Variants in HSBP1 observed in about 807,000 individuals in gnomAD.
The protein encoded by HSBP1 is heat shock factor-binding protein 1.
Under a neutral mutation model 9.6 loss-of-function variants are expected in HSBP1, and 5 were observed. The ratio of observed to expected loss-of-function variants is 0.52; its 90% confidence interval spans 0.27 to 1.09. The LOEUF is 1.09. HSBP1 is among the 50% of genes least tolerant of loss of function. The pLI is 0.11. For synonymous variants in HSBP1, 42 were observed against 33.3 expected (o/e 1.26, Z -0.90); for missense variants, 121 against 96.3 (o/e 1.26, Z -1.07).
At chr16:83,808,894 A>C in intron 2 of HSBP1, 148 bp downstream of exon 2, 1 of 660,252 alleles carries the variant, frequency 1.5e-6, no homozygotes, top group South Asian at 1.9e-5. Context: ...TCTGAGAAGG[A>C]CTGCGCCGAG....
rs1453563453 is a variant in HSBP1 at position 83,819,419 on chromosome 16, A to G, written c.*8001A>G. 6.6e-6 allele frequency: 1 copy of G among 152,174 alleles called. No homozygotes were observed. Among genetic ancestry groups the G allele is most frequent in the Admixed American group, 6.6e-5 (1 of 15,260 alleles). 9.4% of individuals were successfully genotyped at this position (152,174 alleles called of 1,614,324 possible). A position where few individuals can be genotyped will look rare whatever the true frequency, so the allele number is the denominator to read the frequency against. ...AAAAGGAATTGATTCTTAATTACCCAGAACGTCCACGCTCTAGGACCTAGT... is the reference window on the plus strand; with the variant it reads ...AAAAGGAATTGATTCTTAATTACCCGGAACGTCCACGCTCTAGGACCTAGT... On this transcript the variant is annotated 3_prime_UTR_variant, in exon 4 of 4. Coordinates refer to ENST00000433866, the MANE Select transcript of HSBP1 (RefSeq NM_001537.4).
chr16:83,810,117 G>A (rs1056933519), intron 3 of HSBP1, among the ~76,000 whole-genome samples: 7 of 148,490 alleles, frequency 4.7e-5, no homozygotes, highest in African/African-American at 1.7e-4. Flanking sequence ...TTTTTTTTAT[G>A]GAAATAACTG....
chr16:83,808,082 C>T lies in HSBP1; in HGVS notation c.6C>T (p.Ala2=). M[A]ETDPKTVQDL... is the part of the protein sequence containing the mutation. ...CCAAGCTGGGCATCGGGGAGATGGC[C>T]GAGACTGACCCCAAGACCGTGCAGG... The change falls in exon 1 of 4, where the codon GCC becomes GCT. Residue 2 remains alanine, a synonymous_variant. Coordinates refer to ENST00000433866, the MANE Select transcript of HSBP1 (RefSeq NM_001537.4). 2.6e-6 allele frequency: 4 copies of T among 1,545,050 alleles called. 1 individual carries two copies. Among genetic ancestry groups the T allele is most frequent in the South Asian group, 2.4e-5 (2 of 83,952 alleles).
In HSBP1 at chr16:83,813,456, T is replaced by G. The variant is rs1359390338; in HGVS notation, c.*2038T>G. Reference sequence around the variant, plus strand: ...GCCTGAAGCTCCTGGGCTCAGGCAGTCCTCCTGCCTCAGCCTCCCAAGTAG... The same window carrying G: ...GCCTGAAGCTCCTGGGCTCAGGCAGGCCTCCTGCCTCAGCCTCCCAAGTAG... On this transcript the variant is annotated 3_prime_UTR_variant, in exon 4 of 4. Coordinates refer to ENST00000433866, the MANE Select transcript of HSBP1 (RefSeq NM_001537.4). 6.6e-6 allele frequency: 1 copy of G among 152,400 alleles called. No individual in the cohort carries two copies. The highest frequency in any genetic ancestry group is 1.9e-4 in the East Asian group (1 of 5,190). 9.4% of individuals were successfully genotyped at this position (152,400 alleles called of 1,614,324 possible).
intron 3 of HSBP1, 22 bp downstream of exon 3, chr16:83,809,447 TTTTTC>T (rs771160672): frequency 2.9e-5 from 36 of 1,245,066 alleles, no homozygotes; most frequent in Admixed American, 8.0e-5. Context: ...GGCAATTTTT[TTTTTC>T]TTTTCTTTTC....
rs921858155 is a variant in HSBP1, at chr16:83,816,225, C to A, written c.*4807C>A. ...ACCAGCCTGGCCAACATGGCGAAAC[C>A]CCCGTCTCTACTAAAAATACAAAAA... On this transcript the variant is annotated 3_prime_UTR_variant, in exon 4 of 4. Transcript: ENST00000433866. 2 of 152,004 alleles carry A rather than the reference C, an allele frequency of 1.3e-5. No individual in the cohort carries two copies. Among genetic ancestry groups the A allele is most frequent in the Admixed American group, 1.3e-4 (2 of 15,254 alleles). 9.4% of individuals were successfully genotyped at this position (152,004 alleles called of 1,614,324 possible). A position where few individuals can be genotyped will look rare whatever the true frequency, so the allele number is the denominator to read the frequency against.
rs891757991 is a variant in HSBP1, at chr16:83,812,323, T to C, written c.*905T>C. On this transcript the variant is annotated 3_prime_UTR_variant, in exon 4 of 4. Transcript: ENST00000433866. ...ATATGATCAACGACTTGTAGTAGACTCAAGTTTTTAAAAAACACTATTTTA... is the reference window on the plus strand; with the variant it reads ...ATATGATCAACGACTTGTAGTAGACCCAAGTTTTTAAAAAACACTATTTTA... 1.3e-5 allele frequency: 2 copies of C among 152,348 alleles called. No homozygotes were observed. Among genetic ancestry groups the C allele is most frequent in the Non-Finnish European group, 2.9e-5 (2 of 68,046 alleles). The allele number at this position is 152,348 out of a possible 1,614,324, so 9.4% of individuals were successfully genotyped here.
In HSBP1 at chr16:83,813,207, G is replaced by A. The variant is rs1904641210; in HGVS notation, c.*1789G>A. The A allele has an allele frequency of 1.3e-5, 2 of 152,310 alleles. No individual in the cohort carries two copies. Among genetic ancestry groups the A allele is most frequent in the Non-Finnish European group, 2.9e-5 (2 of 68,114 alleles). 9.4% of individuals were successfully genotyped at this position (152,310 alleles called of 1,614,324 possible). A position where few individuals can be genotyped will look rare whatever the true frequency, so the allele number is the denominator to read the frequency against. ...CTGGCATTGCAGGAGACTTGTCTCA[G>A]GTGTGTTCCCAGAACTCTTGCCCCT... On this transcript the variant is annotated 3_prime_UTR_variant, in exon 4 of 4. Coordinates refer to ENST00000433866, the MANE Select transcript of HSBP1 (RefSeq NM_001537.4).
chr16:83,818,463 T>G lies in HSBP1; in HGVS notation c.*7045T>G, dbSNP rs978639191. 1 of 152,242 alleles carries G rather than the reference T, an allele frequency of 6.6e-6. No homozygotes were observed. The highest frequency in any genetic ancestry group is 2.4e-5 in the African/African-American group (1 of 41,462). 9.4% of individuals were successfully genotyped at this position (152,242 alleles called of 1,614,324 possible). A position where few individuals can be genotyped will look rare whatever the true frequency, so the allele number is the denominator to read the frequency against. On this transcript the variant is annotated 3_prime_UTR_variant, in exon 4 of 4. Coordinates refer to ENST00000433866, the MANE Select transcript of HSBP1 (RefSeq NM_001537.4). ...TTCCAGAACAATTGTGGACAAGATT[T>G]GCTAGTAATGCTTCCAACAAGTTAC...
rs369996103 is a variant in HSBP1 at position 83,808,730 on chromosome 16, C to T, written c.96C>T (p.Asp32=). The stretch of plus-strand genomic sequence containing the variant: ...AAGATAAATTTCAGACCATGTCTGA[C>T]CAGATCATTGGGAGAAATATCCTTT... ...QMQDKFQTMS[D]QIIGRIDDMS... is the part of the protein sequence containing the mutation. The change falls in exon 2 of 4, where the codon GAC becomes GAT. Residue 32 remains aspartate, a synonymous_variant. Transcript: ENST00000433866. 3.7e-6 allele frequency: 6 copies of T among 1,611,732 alleles called. No homozygotes were observed. The East Asian group carries it at 6.7e-5, about 18-fold the overall frequency.
chr16:83,809,542 C>G (rs1220746875), intron 3 of HSBP1, 117 bp downstream of exon 3: 1 of 583,338 alleles, frequency 1.7e-6, no homozygotes, highest in Non-Finnish European at 3.0e-6. Flanking sequence ...GATCTCGGCT[C>G]CCTGCAACCT....
rs1046768713 is a variant in HSBP1, at chr16:83,817,053, C to G, written c.*5635C>G. On this transcript the variant is annotated 3_prime_UTR_variant, in exon 4 of 4. Coordinates refer to ENST00000433866, the MANE Select transcript of HSBP1 (RefSeq NM_001537.4). ...TCACCTGGGGAGCAGTTCAAAGGCCCAAAACTGGGCAGCACCACAGAACCC... is the reference window on the plus strand; with the variant it reads ...TCACCTGGGGAGCAGTTCAAAGGCCGAAAACTGGGCAGCACCACAGAACCC... The G allele has an allele frequency of 1.3e-5, 2 of 152,228 alleles. No individual in the cohort carries two copies. The highest frequency in any genetic ancestry group is 2.4e-5 in the African/African-American group (1 of 41,436). The allele number at this position is 152,228 out of a possible 1,614,324, so 9.4% of individuals were successfully genotyped here. A position where few individuals can be genotyped will look rare whatever the true frequency, so the allele number is the denominator to read the frequency against.
rs1904669025 is a variant in HSBP1, at chr16:83,814,279, T to G, written c.*2861T>G. ...GTAAACCGCTGTACTGTGCTAAGCC[T>G]TTTGTTTGCACTGTTTGGCTTAATC... On this transcript the variant is annotated 3_prime_UTR_variant, in exon 4 of 4. Transcript: ENST00000433866. The G allele has an allele frequency of 6.6e-6, 1 of 152,250 alleles. No individual in the cohort carries two copies. Among genetic ancestry groups the G allele is most frequent in the African/African-American group, 2.4e-5 (1 of 41,470 alleles). The allele number at this position is 152,250 out of a possible 1,614,324, so 9.4% of individuals were successfully genotyped here. A position where few individuals can be genotyped will look rare whatever the true frequency, so the allele number is the denominator to read the frequency against.
intron 3 of HSBP1, among the ~76,000 whole-genome samples, chr16:83,811,151 C>G (rs183183945): frequency 9.8e-4 from 150 of 152,300 alleles, no homozygotes; most frequent in Middle Eastern, 6.8e-3. Flanking sequence ...AAACTGCCAT[C>G]AACTGACTGA....
intron 3 of HSBP1, 46 bp downstream of exon 3, chr16:83,809,471 T>G: frequency 1.0e-6 from 1 of 976,314 alleles, no homozygotes; most frequent in East Asian, 3.0e-5. Context: ...TCTTTTTTTT[T>G]TTTTTTTTTT....
rs8061248 is a variant in HSBP1, at chr16:83,813,732, C to T, written c.*2314C>T. On this transcript the variant is annotated 3_prime_UTR_variant, in exon 4 of 4. Transcript: ENST00000433866. ...CAATACAGATGAGTATGGGGGCCCT[C>T]GCACCAAGGAAAACAGCGTTACATT... is the stretch of plus-strand genomic sequence containing the variant. The T allele has an allele frequency of 0.5, 76,481 of 152,034 alleles. 19,886 individuals carry two copies. Among genetic ancestry groups the T allele is most frequent in the Non-Finnish European group, 0.57 (39,074 of 67,992 alleles). The allele number at this position is 152,034 out of a possible 1,614,324, so 9.4% of individuals were successfully genotyped here.
At chr16:83,809,464 T>A in intron 3 of HSBP1, 39 bp downstream of exon 3, 145 of 115,400 alleles carry the variant, frequency 1.3e-3, no homozygotes, top group Non-Finnish European at 2.0e-3. Flanking sequence ...TTTCTTTTCT[T>A]TTTTTTTTTT....
intron 3 of HSBP1, 60 bp downstream of exon 3, chr16:83,809,485 T>TTTA: frequency 1.6e-6 from 1 of 612,722 alleles, no homozygotes; most frequent in Non-Finnish European, 2.5e-6. Context: ...TTTTTTTTTT[T>TTTA]GACACGGAGT....
In HSBP1 at chr16:83,809,428, G is replaced by T; in HGVS notation, c.*2+3G>T. 2 of 1,295,178 alleles carry T rather than the reference G, an allele frequency of 1.5e-6. No individual in the cohort carries two copies. The highest frequency in any genetic ancestry group is 2.2e-6 in the Non-Finnish European group (2 of 929,674). 80.2% of individuals were successfully genotyped at this position (1,295,178 alleles called of 1,614,324 possible). A position where few individuals can be genotyped will look rare whatever the true frequency, so the allele number is the denominator to read the frequency against. On this transcript the variant is annotated splice_donor_region_variant and intron_variant, in intron 3 of 3. Transcript: ENST00000433866. ...CCTGCCACGCAAAAGAGTTGAAGGT[G>T]AGGAAGGGGGCAATTTTTTTTTTCT... is the stretch of plus-strand genomic sequence containing the variant.
Sources: gnomAD v4.1 joint callset for allele counts (sites outside exome capture counted in the v4.1 genomes callset) on GRCh38, gnomAD v4.1.1 for gene constraint, MANE v1.5 for transcripts, NCBI Gene and HGNC (gene_info 2026-07-23, HGNC 2026-07-21) for gene names.